The following KCNH5 variants were observed in gnomAD, a reference collection of about 807,000 sequenced individuals.
The protein encoded by KCNH5 is potassium voltage-gated channel subfamily H member 5.
Under a neutral mutation model 96.1 loss-of-function variants are expected in KCNH5, and 46 were observed. The ratio of observed to expected loss-of-function variants is 0.48; its 90% confidence interval spans 0.38 to 0.61. The LOEUF is 0.61. KCNH5 is among the 20% of genes least tolerant of loss of function. KCNH5 has a pLI of 0.00. For synonymous variants in KCNH5, 439 were observed against 449.8 expected, an observed-to-expected ratio of 0.98 and a Z score of 0.30; for missense variants, 907 against 1,225.8, an observed-to-expected ratio of 0.74 and a Z score of 3.88.
At chr14:62,927,303 A>G (rs557751303) in intron 7 of KCNH5, among the ~76,000 whole-genome samples, 2 of 152,282 alleles carry the variant, frequency 1.3e-5, no homozygotes, top group East Asian at 3.9e-4. Context: ...GTGAAATGGT[A>G]CAAGCACTGT....
At chr14:62,968,126 A>G (rs1305295581) in intron 6 of KCNH5, among the ~76,000 whole-genome samples, 1 of 152,144 alleles carries the variant, frequency 6.6e-6, no homozygotes, top group Non-Finnish European at 1.5e-5. Flanking sequence ...GCTGTGTATT[A>G]CCCAACCATG....
chr14:62,877,233 TA>T (rs1234440890), intron 7 of KCNH5, among the ~76,000 whole-genome samples: 6 of 151,586 alleles, frequency 4.0e-5, no homozygotes, highest in East Asian at 3.9e-4. Context: ...CCTAAAACCA[TA>T]AAAACCCTAG....
intron 7 of KCNH5, among the ~76,000 whole-genome samples, chr14:62,911,776 C>T (rs1204723950): frequency 1.3e-5 from 2 of 150,988 alleles, no homozygotes; most frequent in African/African-American, 4.9e-5. Context: ...GTGGCTCACA[C>T]CTGTAATCCC....
intron 1 of KCNH5, among the ~76,000 whole-genome samples, chr14:63,023,531 A>G (rs1048184885): frequency 3.3e-5 from 5 of 152,194 alleles, no homozygotes; most frequent in African/African-American, 4.8e-5. Flanking sequence ...GCATACAGGA[A>G]TTTCAATATA....
At chr14:62,794,440 G>A (rs2139992073) in intron 9 of KCNH5, among the ~76,000 whole-genome samples, 1 of 150,836 alleles carries the variant, frequency 6.6e-6, no homozygotes, top group East Asian at 2.0e-4. Flanking sequence ...ATGTCAGACA[G>A]GTCTGAATTA....
intron 10 of KCNH5, among the ~76,000 whole-genome samples, chr14:62,774,581 T>C (rs2139969814): frequency 6.6e-6 from 1 of 152,348 alleles, no homozygotes; most frequent in African/African-American, 2.4e-5. Context: ...TACCTTTTTA[T>C]GTGTGTGTCA....
At chr14:62,846,330 C>T (rs1039176865) in intron 8 of KCNH5, among the ~76,000 whole-genome samples, 14 of 152,072 alleles carry the variant, frequency 9.2e-5, no homozygotes, top group Admixed American at 5.9e-4. Context: ...CTTTCACTTG[C>T]AAAATTTGTT....
chr14:63,044,967 C>T (rs1379773879), intron 1 of KCNH5, 147 bp downstream of exon 1: 2 of 676,502 alleles, frequency 3.0e-6, no homozygotes, highest in East Asian at 5.3e-5. Flanking sequence ...CACCCCACCC[C>T]AAATCCAGCC....
intron 3 of KCNH5, among the ~76,000 whole-genome samples, chr14:63,005,712 G>GT (rs1891112221): frequency 6.6e-6 from 1 of 152,094 alleles, no homozygotes; most frequent in Admixed American, 6.6e-5. Flanking sequence ...TGTCATGTTG[G>GT]TTTTTTTCCC....
intron 4 of KCNH5, 101 bp from the exon 5 acceptor site, chr14:62,987,288 C>A: frequency 2.6e-6 from 2 of 779,318 alleles, no homozygotes; most frequent in Admixed American, 2.1e-5. Flanking sequence ...ACATAACATC[C>A]AAAATGAATG....
intron 7 of KCNH5, among the ~76,000 whole-genome samples, chr14:62,945,607 G>A (rs1889871186): frequency 6.6e-6 from 1 of 152,148 alleles, no homozygotes; most frequent in Non-Finnish European, 1.5e-5. Flanking sequence ...GTACACGTGG[G>A]TTCGGATCGT....
At chr14:62,740,729 C>T (rs972158311) in intron 10 of KCNH5, among the ~76,000 whole-genome samples, 33 of 152,060 alleles carry the variant, frequency 2.2e-4, no homozygotes, top group African/African-American at 6.8e-4. Context: ...GGTTAGTGAA[C>T]TCTGCATTGC....
intron 6 of KCNH5, among the ~76,000 whole-genome samples, chr14:62,957,010 T>G (rs1020896343): frequency 2.0e-5 from 3 of 152,186 alleles, no homozygotes; most frequent in Non-Finnish European, 4.4e-5. Context: ...GGTTCCACTG[T>G]GGAACAGAAT....
At chr14:62,946,134 G>A (rs1378533406) in intron 7 of KCNH5, among the ~76,000 whole-genome samples, 1 of 151,990 alleles carries the variant, frequency 6.6e-6, no homozygotes, top group Non-Finnish European at 1.5e-5. Flanking sequence ...GGTCTTGGGT[G>A]GTAATCTATG....
At chr14:62,838,095 A>G (rs2140034170) in intron 8 of KCNH5, among the ~76,000 whole-genome samples, 1 of 152,318 alleles carries the variant, frequency 6.6e-6, no homozygotes, top group South Asian at 2.1e-4. Context: ...CTTGGCACCA[A>G]AAATCACTAA....
chr14:63,008,817 T>A (rs1302437551), intron 2 of KCNH5, among the ~76,000 whole-genome samples: 1 of 152,066 alleles, frequency 6.6e-6, no homozygotes, highest in African/African-American at 2.4e-5. Flanking sequence ...CTTGAAGGCA[T>A]TACAATTAAA....
intron 4 of KCNH5, among the ~76,000 whole-genome samples, chr14:62,988,985 C>A (rs532831393): frequency 2.8e-4 from 43 of 151,950 alleles, no homozygotes; most frequent in Admixed American, 2.2e-3. Context: ...AAATGAGAAA[C>A]ATGAAATTCG....
intron 7 of KCNH5, among the ~76,000 whole-genome samples, chr14:62,927,810 T>A (rs898417269): frequency 3.3e-5 from 5 of 152,064 alleles, no homozygotes; most frequent in African/African-American, 1.2e-4. Flanking sequence ...GGGTTAAGGA[T>A]GTACAACATT....
At chr14:62,804,226 G>A (rs1886720980) in intron 8 of KCNH5, among the ~76,000 whole-genome samples, 1 of 151,768 alleles carries the variant, frequency 6.6e-6, no homozygotes. Flanking sequence ...AATTTCTATA[G>A]GCAGCAGCAA....
Sources: gnomAD v4.1 joint callset for allele counts (sites outside exome capture counted in the v4.1 genomes callset) on GRCh38, gnomAD v4.1.1 for gene constraint, MANE v1.5 for transcripts, NCBI Gene and HGNC (gene_info 2026-07-23, HGNC 2026-07-21) for gene names.